The following IPCEF1 variants were observed in gnomAD, a reference collection of about 807,000 sequenced individuals.
The protein encoded by IPCEF1 is interactor protein for cytohesin exchange factors 1.
A neutral mutation model predicts 50.9 loss-of-function variants in IPCEF1; 31 were observed. The ratio of observed to expected loss-of-function variants is 0.61; its 90% CI spans 0.46 to 0.82. IPCEF1 has a LOEUF of 0.82. IPCEF1 is among the 40% of genes least tolerant of loss of function. IPCEF1 has a pLI of 0.00. For synonymous variants in IPCEF1, 181 were observed against 192.0 expected, an observed-to-expected ratio of 0.94 and a Z score of 0.47; for missense variants, 458 against 514.0, an observed-to-expected ratio of 0.89 and a Z score of 1.05.
intron 10 of IPCEF1, among the ~76,000 whole-genome samples, chr6:154,179,077 T>C (rs369651417): frequency 3.9e-5 from 6 of 152,296 alleles, no homozygotes; most frequent in Admixed American, 1.3e-4. Flanking sequence ...GTTTTTATTG[T>C]TGCTAATGGC....
At chr6:154,255,044 A>AT (rs1781429200) in intron 3 of IPCEF1, among the ~76,000 whole-genome samples, 1 of 152,020 alleles carries the variant, frequency 6.6e-6, no homozygotes, top group East Asian at 1.9e-4. Context: ...CTACATATTT[A>AT]TTTTTCCATT....
chr6:154,289,134 T>C (rs571332575), intron 2 of IPCEF1, among the ~76,000 whole-genome samples: 1 of 152,196 alleles, frequency 6.6e-6, no homozygotes, highest in African/African-American at 2.4e-5. Context: ...TTAAAATCAT[T>C]TTATAATAGA....
At chr6:154,160,436 C>T (rs1357752144) in intron 11 of IPCEF1, among the ~76,000 whole-genome samples, 2 of 152,164 alleles carry the variant, frequency 1.3e-5, no homozygotes, top group Admixed American at 6.5e-5. Flanking sequence ...TGGAACGTAA[C>T]ACTTTACCTA....
intron 5 of IPCEF1, among the ~76,000 whole-genome samples, chr6:154,242,026 C>T (rs1780638613): frequency 6.6e-6 from 1 of 152,154 alleles, no homozygotes; most frequent in African/African-American, 2.4e-5. Context: ...ACTTAAATTC[C>T]CTGAGCTTCA....
At chr6:154,248,334 TGTGTAGAG>T (rs1008217312) in intron 3 of IPCEF1, among the ~76,000 whole-genome samples, 8 of 152,002 alleles carry the variant, frequency 5.3e-5, no homozygotes, top group African/African-American at 1.9e-4. Flanking sequence ...TGTGTGTGTG[TGTGTAGAG>T]AGAGAGAAAA....
At chr6:154,355,368 A>G (rs1269471850) in intron 1 of IPCEF1, among the ~76,000 whole-genome samples, 1 of 152,252 alleles carries the variant, frequency 6.6e-6, no homozygotes, top group Non-Finnish European at 1.5e-5. Context: ...GGAAATTATA[A>G]GGTAAATTAA....
intron 10 of IPCEF1, among the ~76,000 whole-genome samples, chr6:154,183,686 G>A (rs1801091659): frequency 6.6e-6 from 1 of 152,090 alleles, no homozygotes; most frequent in South Asian, 2.1e-4. Context: ...ATCACTTGAG[G>A]TCAGGAGTTT....
chr6:154,334,665 C>G (rs1174517351), intron 1 of IPCEF1, among the ~76,000 whole-genome samples: 1 of 152,308 alleles, frequency 6.6e-6, no homozygotes, highest in East Asian at 1.9e-4. Context: ...GTGGGGAAAC[C>G]TTACATAAGA....
At chr6:154,289,796 A>C (rs1046362511) in intron 1 of IPCEF1, 40 bp from the exon 2 acceptor site, 1 of 151,944 alleles carries the variant, frequency 6.6e-6, no homozygotes, top group Non-Finnish European at 1.5e-5. Flanking sequence ...AGAGAGAGGA[A>C]AAAAAAGTGA....
At chr6:154,191,357 AC>A (rs1801865330) in intron 10 of IPCEF1, among the ~76,000 whole-genome samples, 2 of 152,138 alleles carry the variant, frequency 1.3e-5, no homozygotes, top group Admixed American at 6.5e-5. Flanking sequence ...AACCCATAGA[AC>A]TGTATGACAT....
intron 2 of IPCEF1, among the ~76,000 whole-genome samples, chr6:154,276,856 T>C (rs1303201002): frequency 6.6e-6 from 1 of 152,240 alleles, no homozygotes; most frequent in African/African-American, 2.4e-5. Flanking sequence ...TTGACTTATA[T>C]TGGCCCTGCC....
At chr6:154,347,470 T>C (rs1004288935) in intron 1 of IPCEF1, among the ~76,000 whole-genome samples, 3 of 152,170 alleles carry the variant, frequency 2.0e-5, no homozygotes, top group Admixed American at 6.5e-5. Flanking sequence ...AGATAATGAA[T>C]GTAAAGCCTT....
At chr6:154,165,267 A>G (rs999326187) in intron 11 of IPCEF1, among the ~76,000 whole-genome samples, 3 of 152,176 alleles carry the variant, frequency 2.0e-5, no homozygotes, top group South Asian at 2.1e-4. Flanking sequence ...CCCAGCACTC[A>G]GAAGCTCCAT....
intron 5 of IPCEF1, among the ~76,000 whole-genome samples, chr6:154,227,889 T>C (rs977124239): frequency 5.3e-5 from 8 of 152,084 alleles, no homozygotes; most frequent in African/African-American, 1.9e-4. Flanking sequence ...ATTATCACTT[T>C]ATAAGCAGAA....
chr6:154,342,966 A>G (rs941802897), intron 1 of IPCEF1, among the ~76,000 whole-genome samples: 2 of 151,962 alleles, frequency 1.3e-5, no homozygotes, highest in African/African-American at 4.8e-5. Context: ...ACACAAGAAA[A>G]CTAGTAAGGC....
At chr6:154,253,184 C>A (rs13208429) in intron 3 of IPCEF1, among the ~76,000 whole-genome samples, 43,468 of 151,770 alleles carry the variant, frequency 0.29, 6,728 homozygotes, top group Admixed American at 0.46. Context: ...TGATCATTTC[C>A]TTGCTTTTTT....
At chr6:154,261,318 C>A (rs909174394) in intron 3 of IPCEF1, among the ~76,000 whole-genome samples, 1 of 152,224 alleles carries the variant, frequency 6.6e-6, no homozygotes, top group Non-Finnish European at 1.5e-5. Flanking sequence ...TGAGCCACTT[C>A]TCCCGGCCTT....
chr6:154,206,535 A>AT (rs1777509885), intron 9 of IPCEF1, among the ~76,000 whole-genome samples: 1 of 152,230 alleles, frequency 6.6e-6, no homozygotes, highest in Admixed American at 6.5e-5. Flanking sequence ...TGACTTTAAG[A>AT]ATTTAATAAT....
intron 5 of IPCEF1, among the ~76,000 whole-genome samples, chr6:154,245,292 A>T (rs963569125): frequency 6.6e-6 from 1 of 152,202 alleles, no homozygotes; most frequent in Non-Finnish European, 1.5e-5. Flanking sequence ...GCTTGGAAAA[A>T]AAAAATGTAT....
Sources: gnomAD v4.1 joint callset for allele counts (sites outside exome capture counted in the v4.1 genomes callset) on GRCh38, gnomAD v4.1.1 for gene constraint, MANE v1.5 for transcripts, NCBI Gene and HGNC (gene_info 2026-07-23, HGNC 2026-07-21) for gene names.